Variants in PPP2R3A observed in about 807,000 individuals in gnomAD.
PPP2R3A encodes the protein serine/threonine-protein phosphatase 2A regulatory subunit B'' subunit alpha.
A neutral mutation model predicts 106.9 loss-of-function variants in PPP2R3A; 80 were observed. That is an observed-to-expected ratio of 0.75 (90% CI 0.62 to 0.90). PPP2R3A has a LOEUF of 0.90. Among genes scored for constraint, PPP2R3A ranks in the 40% least tolerant of loss-of-function variants. The pLI is 0.00. For synonymous variants in PPP2R3A, 483 were observed against 468.3 expected (o/e 1.03, Z -0.41); for missense variants, 1,386 against 1,350.4 (o/e 1.03, Z -0.41).
At position 136,002,756 on chromosome 3, in the gene PPP2R3A, G is replaced by C; in HGVS notation, c.1258G>C (p.Glu420Gln). 6.2e-7 allele frequency: 1 copy of C among 1,612,718 alleles called. No individual in the cohort carries two copies. Among genetic ancestry groups the C allele is most frequent in the Non-Finnish European group, 8.5e-7 (1 of 1,179,452 alleles). The change falls in exon 2 of 14, where the codon GAG (glutamate) becomes CAG (glutamine). Residue 420 changes from glutamate (E) to glutamine (Q), a missense_variant. Physicochemically the swap from Glu to Gln is conservative, Grantham distance 29. Coordinates refer to ENST00000264977, the MANE Select transcript of PPP2R3A (RefSeq NM_002718.5). ...DLMETLYIEE[E>Q]SDGKKALDKG... ...AATGGAAACTCTTTATATTGAAGAA[G>C]AGTCAGATGGAAAGAAAGCATTAGA...
chr3:136,113,025 C>G (rs552608807), intron 13 of PPP2R3A, among the ~76,000 whole-genome samples: 1 of 151,658 alleles, frequency 6.6e-6, no homozygotes, highest in Admixed American at 6.6e-5. Flanking sequence ...GCCAGCTACT[C>G]GGGAGGCTGA....
chr3:135,976,153 C>T (rs985313390), intron 1 of PPP2R3A, among the ~76,000 whole-genome samples: 14 of 152,182 alleles, frequency 9.2e-5, no homozygotes, highest in African/African-American at 3.4e-4. Context: ...TACCCAGGCC[C>T]ATTGTTGCCC....
chr3:135,974,589 A>G (rs1057279216), intron 1 of PPP2R3A, among the ~76,000 whole-genome samples: 1 of 152,144 alleles, frequency 6.6e-6, no homozygotes, highest in African/African-American at 2.4e-5. Context: ...TCTTCTTCCA[A>G]CAAGCCAGGT....
chr3:136,086,911 TAAAG>T (rs1332619830), intron 8 of PPP2R3A, among the ~76,000 whole-genome samples: 1 of 152,080 alleles, frequency 6.6e-6, no homozygotes. Flanking sequence ...GGGCATCTGT[TAAAG>T]AACAGGCTGG....
chr3:136,127,906 C>T, intron 13 of PPP2R3A, among the ~76,000 whole-genome samples: 1 of 152,072 alleles, frequency 6.6e-6, no homozygotes, highest in Non-Finnish European at 1.5e-5. Flanking sequence ...TCATATCCAG[C>T]CAAACTAAGC....
chr3:136,041,078 T>A, intron 4 of PPP2R3A, 116 bp downstream of exon 4: 1 of 742,644 alleles, frequency 1.3e-6, no homozygotes, highest in Non-Finnish European at 2.1e-6. Context: ...ACTCTTTATA[T>A]CAACAAGGAA....
intron 1 of PPP2R3A, among the ~76,000 whole-genome samples, chr3:135,996,020 GT>G (rs1393884884): frequency 1.3e-5 from 2 of 152,106 alleles, no homozygotes; most frequent in Non-Finnish European, 2.9e-5. Context: ...TATTCTGCAT[GT>G]TTTTTTACAA....
At chr3:136,028,323 A>G (rs543301866) in intron 3 of PPP2R3A, among the ~76,000 whole-genome samples, 30 of 152,338 alleles carry the variant, frequency 2.0e-4, no homozygotes, top group Admixed American at 5.9e-4. Context: ...TTTTAAAGGA[A>G]ATGAAAAGGA....
At chr3:136,079,352 C>CT (rs1327256806) in intron 7 of PPP2R3A, 2 of 224,128 alleles carry the variant, frequency 8.9e-6, no homozygotes, top group African/African-American at 4.6e-5. Flanking sequence ...TAATCCCCCA[C>CT]TTTCCTGAAG....
Position 136,026,871 on chromosome 3 carries a change from C to T in PPP2R3A, c.2035C>T (p.Pro679Ser). The T allele has an allele frequency of 2.5e-6, 4 of 1,612,494 alleles. No individual in the cohort carries two copies. The highest frequency in any genetic ancestry group is 3.4e-6 in the Non-Finnish European group (4 of 1,178,846). Reference protein sequence around the residue: ...KPEKKPGTPLPPPATSPSSPR... With the variant: ...KPEKKPGTPLSPPATSPSSPR... The stretch of plus-strand genomic sequence containing the variant: ...AGAAAAGAAACCTGGAACACCACTC[C>T]CACCTCCAGCCACCTCTCCAAGTAG... The change falls in exon 3 of 14, where the codon CCA becomes TCA. Residue 679 changes from proline to serine, a missense_variant. Coordinates refer to ENST00000264977, the MANE Select transcript of PPP2R3A (RefSeq NM_002718.5).
Position 136,002,433 on chromosome 3 carries a change from G to A in PPP2R3A, c.935G>A (p.Ser312Asn). Residue 312 changes from serine to asparagine, a missense_variant, in exon 2 of 14, where the codon AGT (serine) becomes AAT (asparagine). By Grantham distance (46) the Ser-to-Asn change is conservative (BLOSUM62 1). Transcript: ENST00000264977. ...NEALDLTELI[S>N]NMPSLQLTPF... ...GCTCTAGATTTAACAGAACTGATCA[G>A]TAATATGCCTAGCTTACAACTGACT... 1 of 1,613,934 alleles carries A rather than the reference G, an allele frequency of 6.2e-7. No homozygotes were observed. Among genetic ancestry groups the A allele is most frequent in the Non-Finnish European group, 8.5e-7 (1 of 1,179,840 alleles).
At chr3:136,005,598 A>T (rs1244612601) in intron 2 of PPP2R3A, among the ~76,000 whole-genome samples, 1 of 152,146 alleles carries the variant, frequency 6.6e-6, no homozygotes, top group Non-Finnish European at 1.5e-5. Flanking sequence ...ACTTGGAATT[A>T]ATCACAAAAG....
intron 6 of PPP2R3A, among the ~76,000 whole-genome samples, chr3:136,073,125 G>A (rs564005552): frequency 3.3e-5 from 5 of 152,046 alleles, no homozygotes; most frequent in South Asian, 4.2e-4. Flanking sequence ...CCACCACCAC[G>A]CCCGGCTAAT....
rs1429656883 is a variant in PPP2R3A, at chr3:136,136,073, ATTAT to A, written c.3330-8969_3330-8966del. 3.4e-3 allele frequency among the ~76,000 whole-genome samples: 61 copies of A among 17,792 alleles called. 3 individuals are homozygous for A. Among genetic ancestry groups the A allele is most frequent in the Non-Finnish European group, 9.9e-3 (45 of 4,538 alleles). 11.7% of individuals were successfully genotyped at this position (17,792 alleles called of 152,430 possible). Reference sequence around the variant, plus strand: ...AAAAAAAAAAAAAAAAAAAAAAAAAATTATATATATATATATATATAAAAAACAT... The same window carrying A: ...AAAAAAAAAAAAAAAAAAAAAAAAAAATATATATATATATATAAAAAACAT... On this transcript the variant is annotated intron_variant, in intron 13 of 13. Transcript: ENST00000264977.
intron 13 of PPP2R3A, among the ~76,000 whole-genome samples, chr3:136,141,610 C>G (rs1172759846): frequency 6.6e-6 from 1 of 152,166 alleles, no homozygotes; most frequent in African/African-American, 2.4e-5. Flanking sequence ...AGTGAATAAT[C>G]AGAAAACCTG....
chr3:135,978,963 A>C (rs1194501244), intron 1 of PPP2R3A, among the ~76,000 whole-genome samples: 2 of 151,934 alleles, frequency 1.3e-5, no homozygotes, highest in Non-Finnish European at 2.9e-5. Context: ...TTTGTAATAC[A>C]ATCTTTAATG....
intron 13 of PPP2R3A, among the ~76,000 whole-genome samples, chr3:136,136,925 AAGTATGAGG>A (rs1938644292): frequency 6.6e-6 from 1 of 152,208 alleles, no homozygotes; most frequent in South Asian, 2.1e-4. Flanking sequence ...AAGCTTCCGT[AAGTATGAGG>A]CTGTAAACAT....
intron 1 of PPP2R3A, among the ~76,000 whole-genome samples, chr3:135,968,100 C>G (rs1937143317): frequency 6.6e-6 from 1 of 152,150 alleles, no homozygotes; most frequent in Non-Finnish European, 1.5e-5. Context: ...TAGGTGTTTA[C>G]TATACTAAGC....
At chr3:136,109,843 T>C (rs978491849) in intron 13 of PPP2R3A, among the ~76,000 whole-genome samples, 5 of 152,152 alleles carry the variant, frequency 3.3e-5, no homozygotes, top group African/African-American at 1.2e-4. Context: ...GCCAGCAGCT[T>C]AGATTCTTCA....
Sources: gnomAD v4.1 joint callset for allele counts (sites outside exome capture counted in the v4.1 genomes callset) on GRCh38, gnomAD v4.1.1 for gene constraint, MANE v1.5 for transcripts, NCBI Gene and HGNC (gene_info 2026-07-23, HGNC 2026-07-21) for gene names.